The following PRUNE2 variants were observed in gnomAD, a reference collection of about 807,000 sequenced individuals.
PRUNE2 encodes the protein protein prune homolog 2.
PRUNE2 carries 164 observed loss-of-function variants against 252.0 expected under a neutral mutation model. The observed-to-expected ratio is 0.65, with a 90% CI of 0.57 to 0.74. The LOEUF (loss-of-function observed/expected upper bound fraction) is 0.74. PRUNE2 is among the 30% of genes least tolerant of loss of function. The pLI, the probability that PRUNE2 is intolerant of heterozygous loss-of-function variation, is 0.00. For missense variants in PRUNE2, 3,495 were observed against 3,711.0 expected (o/e 0.94, Z 1.51); for synonymous variants, 1,292 against 1,350.2 (o/e 0.96, Z 0.94).
chr9:76,670,245 C>T (rs141858526), intron 9 of PRUNE2, among the ~76,000 whole-genome samples: 1,897 of 152,202 alleles, frequency 0.012, 43 homozygotes, highest in African/African-American at 0.042. Flanking sequence ...TTGGGAAGCG[C>T]GAGGGGTCAG....
intron 1 of PRUNE2, among the ~76,000 whole-genome samples, chr9:76,896,773 G>T (rs549661799): frequency 6.6e-6 from 1 of 152,002 alleles, no homozygotes; most frequent in African/African-American, 2.4e-5. Flanking sequence ...CCCTGACATC[G>T]GTCAATCCAT....
At chr9:76,788,082 G>GGCA in intron 6 of PRUNE2, among the ~76,000 whole-genome samples, 1 of 152,260 alleles carries the variant, frequency 6.6e-6, no homozygotes, top group Admixed American at 6.5e-5. Flanking sequence ...AGCAACTAAA[G>GGCA]TTCTTTGTGC....
rs568305446 is a variant in PRUNE2, at chr9:76,854,983, T to C, written c.37-775A>G. On this transcript the variant is annotated intron_variant, in intron 1 of 18. Coordinates refer to ENST00000376718, the MANE Select transcript of PRUNE2 (RefSeq NM_015225.3). ...CAGGAGGCTGAGGTAGAGGAATCAC[T>C]TAAACCCAGGAGGCGGAGGTTGCAG... Among the ~76,000 whole-genome samples, 49 of 148,584 alleles carry C rather than the reference T, an allele frequency of 3.3e-4. 1 individual carries two copies. In the South Asian group the frequency reaches 9.7e-3, roughly 30 times the overall value.
At chr9:76,699,507 C>G (rs528100903) in intron 9 of PRUNE2, among the ~76,000 whole-genome samples, 1 of 152,156 alleles carries the variant, frequency 6.6e-6, no homozygotes, top group Non-Finnish European at 1.5e-5. Context: ...TCTGAAGTTT[C>G]CTGAAGAAGA....
chr9:76,693,733 C>T (rs371369651), intron 9 of PRUNE2, among the ~76,000 whole-genome samples: 69 of 152,274 alleles, frequency 4.5e-4, no homozygotes, highest in Admixed American at 1.1e-3. Context: ...TGAGCCACTG[C>T]GCCCGGCCTT....
At position 76,629,244 on chromosome 9, in the gene PRUNE2, G is replaced by C; in HGVS notation, c.9097C>G (p.Leu3033Val). 6.2e-6 allele frequency: 10 copies of C among 1,600,308 alleles called. No individual in the cohort carries two copies. The highest frequency in any genetic ancestry group is 8.5e-6 in the Non-Finnish European group (10 of 1,172,598). ...CAATCCATTGGGATCAGCCCACTGA[G>C]TTCTGATAAGCTATTGACATATTTA... Reference protein sequence around the residue: ...KIKYVNSLSELSGLIPMDCIH... With the variant: ...KIKYVNSLSEVSGLIPMDCIH... Residue 3033 changes from leucine (L) to valine (V), a missense_variant, in exon 16 of 19, where the codon CTC becomes GTC. Transcript: ENST00000376718.
intron 7 of PRUNE2, 42 bp from the exon 8 acceptor site, chr9:76,711,400 G>GTTGCACTTTGCAA: frequency 7.2e-7 from 1 of 1,385,188 alleles, no homozygotes; most frequent in Non-Finnish European, 9.9e-7. Flanking sequence ...CTCAAGCACT[G>GTTGCACTTTGCAA]TTGCACTTTG....
At chr9:76,796,945 TC>T (rs1485370363) in intron 6 of PRUNE2, among the ~76,000 whole-genome samples, 8 of 152,132 alleles carry the variant, frequency 5.3e-5, no homozygotes, top group African/African-American at 1.9e-4. Context: ...TCAAAATTAA[TC>T]TAGACGCTGT....
At chr9:76,617,388 G>A (rs1830212986) in intron 18 of PRUNE2, among the ~76,000 whole-genome samples, 1 of 152,086 alleles carries the variant, frequency 6.6e-6, no homozygotes, top group Non-Finnish European at 1.5e-5. Context: ...TCTGGAAGGT[G>A]TAAAATGCTT....
intron 9 of PRUNE2, among the ~76,000 whole-genome samples, chr9:76,664,849 A>G (rs1173792926): frequency 6.6e-6 from 1 of 152,178 alleles, no homozygotes; most frequent in East Asian, 1.9e-4. Context: ...TAACTAATAC[A>G]TTCCTCATCC....
chr9:76,699,608 C>G (rs1478518068), intron 9 of PRUNE2, among the ~76,000 whole-genome samples: 2 of 152,210 alleles, frequency 1.3e-5, no homozygotes, highest in Admixed American at 1.3e-4. Flanking sequence ...GCAATGCTGA[C>G]TCTTCCTTGA....
At chr9:76,656,446 C>T (rs751436819) in intron 9 of PRUNE2, among the ~76,000 whole-genome samples, 1 of 152,216 alleles carries the variant, frequency 6.6e-6, no homozygotes, top group Admixed American at 6.5e-5. Context: ...TTAATTTAGT[C>T]CCCTTCTGCC....
At position 76,729,797 on chromosome 9, in the gene PRUNE2, A is replaced by T. The variant is rs1486066021; in HGVS notation, c.757-16076T>A. ...ATATTTAAAAGCATGGGTTTATAGG[A>T]GCTTTCCAACTTCTTTGTTGCAGCC... On this transcript the variant is annotated intron_variant, in intron 6 of 18. Coordinates refer to ENST00000376718, the MANE Select transcript of PRUNE2 (RefSeq NM_015225.3). 3.3e-5 allele frequency among the ~76,000 whole-genome samples: 5 copies of T among 152,060 alleles called. No individual in the cohort carries two copies. The South Asian group carries it at 1.0e-3, about 32-fold the overall frequency.
intron 6 of PRUNE2, among the ~76,000 whole-genome samples, chr9:76,750,380 C>T (rs1475615566): frequency 6.6e-6 from 1 of 152,054 alleles, no homozygotes; most frequent in Non-Finnish European, 1.5e-5. Flanking sequence ...TAAACAGTGT[C>T]TGAATTTAAT....
intron 6 of PRUNE2, among the ~76,000 whole-genome samples, chr9:76,731,021 A>G (rs1345514681): frequency 6.6e-6 from 1 of 152,238 alleles, no homozygotes; most frequent in African/African-American, 2.4e-5. Flanking sequence ...AGTAGAATGC[A>G]GGATCTCAAT....
At chr9:76,627,847 G>A in intron 16 of PRUNE2, 1 of 433,060 alleles carries the variant, frequency 2.3e-6, no homozygotes, top group Non-Finnish European at 4.6e-6. Context: ...TGTAAAACAG[G>A]GGTTTACTAT....
chr9:76,681,929 TAAGTA>T (rs1261805308), intron 9 of PRUNE2, among the ~76,000 whole-genome samples: 3 of 152,214 alleles, frequency 2.0e-5, no homozygotes, highest in Non-Finnish European at 2.9e-5. Context: ...CTTGAAATTT[TAAGTA>T]AAGTCCAAAT....
At position 76,713,672 on chromosome 9, in the gene PRUNE2, T is replaced by C; in HGVS notation, c.806A>G (p.Asp269Gly). Residue 269 changes from aspartate (D) to glycine (G), a missense_variant, in exon 7 of 19, where the codon GAC (aspartate) becomes GGC (glycine). Coordinates refer to ENST00000376718, the MANE Select transcript of PRUNE2 (RefSeq NM_015225.3). ...GATGAGGACATCAAAACCAAACTTG[T>C]CTGTAAATGCTTTCAAGTCACTGGT... Reference protein sequence around the residue: ...NITSDLKAFTDKFGFDVLILF... With the variant: ...NITSDLKAFTGKFGFDVLILF... The C allele has an allele frequency of 6.2e-7, 1 of 1,601,350 alleles. No homozygotes were observed. The highest frequency in any genetic ancestry group is 2.2e-5 in the East Asian group (1 of 44,650).
At chr9:76,780,052 T>C (rs1452135710) in intron 6 of PRUNE2, 1 of 152,202 alleles carries the variant, frequency 6.6e-6, no homozygotes, top group Admixed American at 6.5e-5. Flanking sequence ...GGAAAAATAC[T>C]GGTATTTTCT....
Sources: allele counts gnomAD v4.1 joint callset (sites outside exome capture counted in the v4.1 genomes callset), GRCh38; gene constraint gnomAD v4.1.1; transcripts MANE v1.5; gene names NCBI Gene and HGNC (gene_info 2026-07-23, HGNC 2026-07-21).